The following NSL1 variants were observed in gnomAD, a reference collection of about 807,000 sequenced individuals.
NSL1 encodes kinetochore-associated protein NSL1 homolog.
Under a neutral mutation model 25.4 loss-of-function variants are expected in NSL1, and 11 were observed. The observed-to-expected ratio is 0.43, with a 90% CI of 0.27 to 0.72. The LOEUF (loss-of-function observed/expected upper bound fraction) is 0.72. NSL1 is among the 30% of genes least tolerant of loss of function. The pLI, the probability that NSL1 is intolerant of heterozygous loss-of-function variation, is 0.19. For missense variants in NSL1, 330 were observed against 342.7 expected (o/e 0.96, Z 0.29); for synonymous variants, 118 against 120.6 (o/e 0.98, Z 0.14).
At chr1:212,759,920 C>G (rs889098036) in intron 4 of NSL1, among the ~76,000 whole-genome samples, 2 of 152,198 alleles carry the variant, frequency 1.3e-5, no homozygotes, top group African/African-American at 4.8e-5. Flanking sequence ...TGGGGCCACC[C>G]AGCAGCAAGG....
At chr1:212,744,963 C>A (rs1307251646) in intron 4 of NSL1, among the ~76,000 whole-genome samples, 1 of 151,918 alleles carries the variant, frequency 6.6e-6, no homozygotes, top group South Asian at 2.1e-4. Context: ...TGGTGAAACC[C>A]CGTCTCTACT....
Position 212,736,134 on chromosome 1 carries a change from C to T in NSL1, c.*2274G>A. ...CTCACTGCAACTTCTGCCTCCAGGG[C>T]TCAAGTGATCCTCTCATTTCAGCCT... On this transcript the variant is annotated 3_prime_UTR_variant, in exon 6 of 6. Transcript: ENST00000366977. The T allele has an allele frequency of 1.2e-6, 1 of 805,574 alleles. No individual in the cohort carries two copies. The highest frequency in any genetic ancestry group is 1.5e-6 in the Non-Finnish European group (1 of 666,004). The allele number at this position is 805,574 out of a possible 1,614,324, so 49.9% of individuals were successfully genotyped here. A position where few individuals can be genotyped will look rare whatever the true frequency, so the allele number is the denominator to read the frequency against.
intron 4 of NSL1, among the ~76,000 whole-genome samples, chr1:212,779,624 C>T (rs1320285350): frequency 7.8e-6 from 1 of 128,232 alleles, no homozygotes; most frequent in African/African-American, 3.1e-5. Context: ...CAGCCCCCCG[C>T]CCGGTCAGCT....
chr1:212,778,957 C>T (rs561363970), intron 4 of NSL1, among the ~76,000 whole-genome samples: 268 of 149,124 alleles, frequency 1.8e-3, no homozygotes, highest in South Asian at 6.8e-3. Flanking sequence ...AAGTGAGGAG[C>T]GCCTCTTCCC....
Position 212,728,536 on chromosome 1 carries a change from C to T in NSL1, c.*9872G>A. 1 of 985,202 alleles carries T rather than the reference C, an allele frequency of 1.0e-6. No homozygotes were observed. Among genetic ancestry groups the T allele is most frequent in the Non-Finnish European group, 1.2e-6 (1 of 829,900 alleles). The allele number at this position is 985,202 out of a possible 1,614,324, so 61.0% of individuals were successfully genotyped here. ...ACAAATCTGACATTGTTGGTTTGTT[C>T]AAACAATTTTTTCAAATCAGATTTA... On this transcript the variant is annotated 3_prime_UTR_variant, in exon 6 of 6. Coordinates refer to ENST00000366977, the MANE Select transcript of NSL1 (RefSeq NM_015471.4).
chr1:212,751,027 C>T (rs1294214858), intron 4 of NSL1, among the ~76,000 whole-genome samples: 2 of 152,094 alleles, frequency 1.3e-5, no homozygotes, highest in African/African-American at 2.4e-5. Flanking sequence ...TAATAATTAT[C>T]TGACTCAGGA....
In NSL1 at chr1:212,736,315, G is replaced by C. The variant is rs565026960; in HGVS notation, c.*2093C>G. 7.4e-5 allele frequency: 73 copies of C among 982,800 alleles called. 1 individual carries two copies. In the South Asian group the frequency reaches 3.0e-3, roughly 40 times the overall value. 60.9% of individuals were successfully genotyped at this position (982,800 alleles called of 1,614,324 possible). On this transcript the variant is annotated 3_prime_UTR_variant, in exon 6 of 6. Transcript: ENST00000366977. ...CTGGGATTACAGGCATGAGCCCACCGCGCCTGGCTATTTCTTTTCTGAAAG... is the reference window on the plus strand; with the variant it reads ...CTGGGATTACAGGCATGAGCCCACCCCGCCTGGCTATTTCTTTTCTGAAAG...
chr1:212,774,470 A>G (rs1042767270), intron 4 of NSL1, among the ~76,000 whole-genome samples: 1 of 152,228 alleles, frequency 6.6e-6, no homozygotes, highest in African/African-American at 2.4e-5. Flanking sequence ...CAGAATACAT[A>G]AAGAACCAGT....
intron 4 of NSL1, among the ~76,000 whole-genome samples, chr1:212,775,611 AC>A (rs66673131): frequency 0.22 from 32,846 of 150,008 alleles, 4,197 homozygotes; most frequent in African/African-American, 0.37. Context: ...GAAAAAAAAA[AC>A]AAAACAAAAC....
intron 4 of NSL1, among the ~76,000 whole-genome samples, chr1:212,753,128 T>C (rs1659143817): frequency 6.6e-6 from 1 of 152,212 alleles, no homozygotes; most frequent in Non-Finnish European, 1.5e-5. Flanking sequence ...TATAGAGATG[T>C]GTTGAACCCA....
Position 212,731,956 on chromosome 1 carries a change from T to C in NSL1, c.*6452A>G, listed in dbSNP as rs1345778369. 2.0e-6 allele frequency: 2 copies of C among 984,556 alleles called. No individual in the cohort carries two copies. Among genetic ancestry groups the C allele is most frequent in the Non-Finnish European group, 2.4e-6 (2 of 829,844 alleles). 61.0% of individuals were successfully genotyped at this position (984,556 alleles called of 1,614,324 possible). ...ACCTTACTGCTTTAACCAATGTCCA[T>C]CTAACTGTTCAGTGCCTGTGCTGTA... is the stretch of plus-strand genomic sequence containing the variant. On this transcript the variant is annotated 3_prime_UTR_variant, in exon 6 of 6. Coordinates refer to ENST00000366977, the MANE Select transcript of NSL1 (RefSeq NM_015471.4).
chr1:212,761,888 T>C (rs1318009767), intron 4 of NSL1, among the ~76,000 whole-genome samples: 1 of 148,796 alleles, frequency 6.7e-6, no homozygotes. Context: ...GGGTGTCCAA[T>C]CTTTTGGCTT....
At chr1:212,743,765 T>G (rs1298384382) in intron 4 of NSL1, among the ~76,000 whole-genome samples, 1 of 152,088 alleles carries the variant, frequency 6.6e-6, no homozygotes, top group Non-Finnish European at 1.5e-5. Flanking sequence ...AACAGAATGT[T>G]TAATCAAGGC....
chr1:212,769,775 G>A (rs1660014621), intron 4 of NSL1, among the ~76,000 whole-genome samples: 1 of 152,090 alleles, frequency 6.6e-6, no homozygotes, highest in South Asian at 2.1e-4. Context: ...GATAAACAAT[G>A]AGAGAAAGGA....
chr1:212,791,085 T>C (rs11809232), intron 1 of NSL1, among the ~76,000 whole-genome samples: 27,207 of 152,106 alleles, frequency 0.18, 2,758 homozygotes, highest in African/African-American at 0.28. Context: ...AGCCACTTTG[T>C]AGTTACTGAG....
intron 4 of NSL1, among the ~76,000 whole-genome samples, chr1:212,750,083 T>C (rs1238922639): frequency 6.6e-6 from 1 of 151,528 alleles, no homozygotes; most frequent in Non-Finnish European, 1.5e-5. Flanking sequence ...AGAACTCCCT[T>C]GGGAACAGGA....
At chr1:212,786,277 CTTT>C (rs1220148438) in intron 2 of NSL1, among the ~76,000 whole-genome samples, 1 of 152,082 alleles carries the variant, frequency 6.6e-6, no homozygotes, top group Non-Finnish European at 1.5e-5. Context: ...AAGTACCCTT[CTTT>C]TGAGGGCAAG....
intron 4 of NSL1, among the ~76,000 whole-genome samples, chr1:212,751,842 A>G (rs1659079389): frequency 6.6e-6 from 1 of 152,180 alleles, no homozygotes; most frequent in African/African-American, 2.4e-5. Flanking sequence ...AAATATATAT[A>G]CTTTTCACTC....
Position 212,736,439 on chromosome 1 carries a change from A to G in NSL1, c.*1969T>C. The G allele has an allele frequency of 2.0e-6, 2 of 985,288 alleles. No individual in the cohort carries two copies. Among genetic ancestry groups the G allele is most frequent in the South Asian group, 4.7e-5 (1 of 21,278 alleles). 61.0% of individuals were successfully genotyped at this position (985,288 alleles called of 1,614,324 possible). ...AACCTTTCCAATTCCTTAAAACTAC[A>G]GACTTTCTTGCTTTTAATCCTTAGC... On this transcript the variant is annotated 3_prime_UTR_variant, in exon 6 of 6. Coordinates refer to ENST00000366977, the MANE Select transcript of NSL1 (RefSeq NM_015471.4).
Sources: allele counts gnomAD v4.1 joint callset (sites outside exome capture counted in the v4.1 genomes callset), GRCh38; gene constraint gnomAD v4.1.1; transcripts MANE v1.5; gene names NCBI Gene and HGNC (gene_info 2026-07-23, HGNC 2026-07-21).